PID1: variants seen among roughly 807,000 people sequenced by gnomAD.
PID1 encodes the protein phosphotyrosine interaction domain containing 1.
Under a neutral mutation model 19.1 loss-of-function variants are expected in PID1, and 10 were observed. The ratio of observed to expected loss-of-function variants is 0.52; its 90% CI spans 0.32 to 0.89. PID1 has a LOEUF of 0.89. Ranked by LOEUF, PID1 falls within the 40% of genes least tolerant of loss-of-function variation. PID1 has a pLI of 0.03. For missense variants in PID1, 248 were observed against 285.3 expected, an observed-to-expected ratio of 0.87 and a Z score of 0.94; for synonymous variants, 130 against 116.0, an observed-to-expected ratio of 1.12 and a Z score of -0.78.
At chr2:229,058,385 G>T (rs1184983910) in intron 2 of PID1, among the ~76,000 whole-genome samples, 1 of 152,160 alleles carries the variant, frequency 6.6e-6, no homozygotes, top group African/African-American at 2.4e-5. Context: ...CTAGCTGTTG[G>T]TTTTCCAGCA....
intron 1 of PID1, among the ~76,000 whole-genome samples, chr2:229,196,885 C>T (rs944597937): frequency 3.9e-5 from 6 of 151,996 alleles, no homozygotes; most frequent in African/African-American, 7.2e-5. Context: ...TTATTAAAGG[C>T]TTACTATTAG....
At chr2:229,244,500 A>G (rs1186273750) in intron 1 of PID1, among the ~76,000 whole-genome samples, 1 of 152,184 alleles carries the variant, frequency 6.6e-6, no homozygotes, top group Admixed American at 6.5e-5. Flanking sequence ...TTCATTTTAA[A>G]AAGAGAGAAA....
rs191273247 is a variant in PID1 at position 229,149,995 on chromosome 2, T to C, written c.177+5823A>G. ...GCTCAGGTCTATAATCTCAGCACTTTGGGAGGCCGAGGCGGGTGGATCACT... is the reference window on the plus strand; with the variant it reads ...GCTCAGGTCTATAATCTCAGCACTTCGGGAGGCCGAGGCGGGTGGATCACT... On this transcript the variant is annotated intron_variant, in intron 2 of 2. Coordinates refer to ENST00000392055, the MANE Select transcript of PID1 (RefSeq NM_001100818.2). 2.8e-3 allele frequency among the ~76,000 whole-genome samples: 427 copies of C among 152,140 alleles called. 4 individuals are homozygous for C. The highest frequency in any genetic ancestry group is 9.8e-3 in the African/African-American group (407 of 41,508).
chr2:229,121,776 C>T lies in PID1; in HGVS notation c.177+34042G>A, dbSNP rs1248852735. Reference sequence around the variant, plus strand: ...AGTAGTACCTACAAGAAGTCATACACTTGATCGAGGTCTAGGGACAGAACA... The same window carrying T: ...AGTAGTACCTACAAGAAGTCATACATTTGATCGAGGTCTAGGGACAGAACA... On this transcript the variant is annotated intron_variant, in intron 2 of 2. Transcript: ENST00000392055. Among the ~76,000 whole-genome samples, 3 of 152,130 alleles carry T rather than the reference C, an allele frequency of 2.0e-5. No individual in the cohort carries two copies. In the East Asian group the frequency reaches 5.8e-4, roughly 29 times the overall value.
intron 1 of PID1, among the ~76,000 whole-genome samples, chr2:229,220,292 T>C (rs749501372): frequency 6.6e-6 from 1 of 152,176 alleles, no homozygotes; most frequent in Non-Finnish European, 1.5e-5. Flanking sequence ...GTTGGGTGAC[T>C]TGTCTAGAAC....
intron 1 of PID1, among the ~76,000 whole-genome samples, chr2:229,156,459 C>G (rs1292295779): frequency 6.6e-6 from 1 of 152,180 alleles, no homozygotes; most frequent in Non-Finnish European, 1.5e-5. Context: ...TACTTTAGGA[C>G]AGACCATTTT....
chr2:229,213,962 A>G lies in PID1; in HGVS notation c.30+57052T>C, dbSNP rs1170925027. On this transcript the variant is annotated intron_variant, in intron 1 of 2. Coordinates refer to ENST00000392055, the MANE Select transcript of PID1 (RefSeq NM_001100818.2). Reference sequence around the variant, plus strand: ...AATATTACATCATTACACTTTGAACATGAAGAAGACCTTCCCTGTTATCCC... The same window carrying G: ...AATATTACATCATTACACTTTGAACGTGAAGAAGACCTTCCCTGTTATCCC... 3.3e-5 allele frequency among the ~76,000 whole-genome samples: 5 copies of G among 152,348 alleles called. No individual in the cohort carries two copies. The East Asian group carries it at 7.7e-4, about 24-fold the overall frequency.
At chr2:229,145,291 CTAAGAAGTTA>C (rs1419392637) in intron 2 of PID1, among the ~76,000 whole-genome samples, 1 of 150,856 alleles carries the variant, frequency 6.6e-6, no homozygotes, top group Non-Finnish European at 1.5e-5. Flanking sequence ...TGGAGAGTCT[CTAAGAAGTTA>C]TACAATTTCC....
chr2:229,103,096 C>T (rs1327426408), intron 2 of PID1, among the ~76,000 whole-genome samples: 1 of 152,092 alleles, frequency 6.6e-6, no homozygotes, highest in Non-Finnish European at 1.5e-5. Context: ...CTTTTTGAAT[C>T]AGGGATGATA....
At chr2:229,212,033 G>A (rs1691748124) in intron 1 of PID1, among the ~76,000 whole-genome samples, 1 of 152,194 alleles carries the variant, frequency 6.6e-6, no homozygotes, top group Admixed American at 6.5e-5. Context: ...GTTGCACAAA[G>A]ACAGGTGGTA....
chr2:229,179,499 AC>A (rs1380417023), intron 1 of PID1, among the ~76,000 whole-genome samples: 1 of 152,206 alleles, frequency 6.6e-6, no homozygotes, highest in Non-Finnish European at 1.5e-5. Flanking sequence ...AGGAAAAAAA[AC>A]TACTCAAAAG....
intron 2 of PID1, among the ~76,000 whole-genome samples, chr2:229,139,057 G>GAAA (rs1553565723): frequency 2.2e-5 from 1 of 45,566 alleles, no homozygotes. Context: ...AAGAAAGAAA[G>GAAA]AGAAAGAAAG....
intron 2 of PID1, among the ~76,000 whole-genome samples, chr2:229,052,409 G>A (rs1694014082): frequency 6.6e-6 from 1 of 152,134 alleles, no homozygotes; most frequent in South Asian, 2.1e-4. Context: ...TTTAAAGATA[G>A]TTTAATTTTA....
intron 1 of PID1, among the ~76,000 whole-genome samples, chr2:229,189,592 G>A (rs910312273): frequency 6.6e-6 from 1 of 152,288 alleles, no homozygotes; most frequent in East Asian, 1.9e-4. Context: ...AGCTACTCAG[G>A]AGGCAGAGGC....
chr2:229,146,765 G>A (rs1158336755), intron 2 of PID1, among the ~76,000 whole-genome samples: 2 of 152,128 alleles, frequency 1.3e-5, no homozygotes, highest in East Asian at 1.9e-4. Flanking sequence ...CCAATCACAA[G>A]TGTCCTTATA....
chr2:229,210,339 C>T lies in PID1; in HGVS notation c.31-54375G>A, dbSNP rs954352769. Among the ~76,000 whole-genome samples the T allele has an allele frequency of 2.6e-5, 4 of 151,266 alleles. No individual in the cohort carries two copies. The South Asian group carries it at 6.3e-4, about 24-fold the overall frequency. On this transcript the variant is annotated intron_variant, in intron 1 of 2. Coordinates refer to ENST00000392055, the MANE Select transcript of PID1 (RefSeq NM_001100818.2). ...CATCGTGGCTAACACAGTGAAACCC[C>T]GTCTCTATTAAAAATACAAAAGAAT...
At chr2:229,177,661 T>C (rs1690852227) in intron 1 of PID1, among the ~76,000 whole-genome samples, 1 of 152,102 alleles carries the variant, frequency 6.6e-6, no homozygotes, top group Non-Finnish European at 1.5e-5. Flanking sequence ...AAGGAAAGGA[T>C]TCATATGAAA....
At chr2:229,129,475 C>T (rs1317817869) in intron 2 of PID1, among the ~76,000 whole-genome samples, 2 of 151,200 alleles carry the variant, frequency 1.3e-5, no homozygotes, top group Admixed American at 1.3e-4. Context: ...TCAGCAATCA[C>T]AGCTACTTTT....
chr2:229,027,363 A>C (rs1215225269), intron 2 of PID1, among the ~76,000 whole-genome samples: 2 of 152,218 alleles, frequency 1.3e-5, no homozygotes, highest in Non-Finnish European at 2.9e-5. Context: ...GGGGATTGCT[A>C]TGAAACTGGG....
Sources: allele counts gnomAD v4.1 joint callset (sites outside exome capture counted in the v4.1 genomes callset), GRCh38; gene constraint gnomAD v4.1.1; transcripts MANE v1.5; gene names NCBI Gene and HGNC (gene_info 2026-07-23, HGNC 2026-07-21).